Variants in MGAT4C observed in about 807,000 individuals in gnomAD.
The protein encoded by MGAT4C is MGAT4 family member C.
MGAT4C carries 19 observed loss-of-function variants against 40.1 expected under a neutral mutation model. The observed-to-expected ratio is 0.47, with a 90% CI of 0.33 to 0.70. The LOEUF is 0.70. MGAT4C is among the 30% of genes least tolerant of loss of function. The pLI, the probability that MGAT4C is intolerant of heterozygous loss-of-function variation, is 0.02. For synonymous variants in MGAT4C, 181 were observed against 187.1 expected (o/e 0.97, Z 0.27); for missense variants, 491 against 563.2 (o/e 0.87, Z 1.30).
At chr12:86,780,026 AAAATG>A (rs1416512437) in intron 1 of MGAT4C, among the ~76,000 whole-genome samples, 1 of 152,040 alleles carries the variant, frequency 6.6e-6, no homozygotes, top group Non-Finnish European at 1.5e-5. Context: ...GCTTTCCTAT[AAAATG>A]AAATAATATA....
intron 2 of MGAT4C, among the ~76,000 whole-genome samples, chr12:86,723,509 T>A (rs763651569): frequency 6.6e-6 from 1 of 152,174 alleles, no homozygotes; most frequent in Non-Finnish European, 1.5e-5. Context: ...TCGCTGGCCA[T>A]CTTCTTGCTG....
chr12:86,398,194 C>T (rs1315419710), intron 3 of MGAT4C, among the ~76,000 whole-genome samples: 2 of 152,144 alleles, frequency 1.3e-5, no homozygotes, highest in Admixed American at 6.5e-5. Context: ...TATCACCAAG[C>T]CAGAATGAAT....
chr12:86,718,298 G>T (rs1222504131), intron 2 of MGAT4C, among the ~76,000 whole-genome samples: 1 of 152,056 alleles, frequency 6.6e-6, no homozygotes, highest in African/African-American at 2.4e-5. Flanking sequence ...TACCTGTTGT[G>T]GTATAAAAGC....
chr12:86,418,015 A>T lies in MGAT4C; in HGVS notation c.-120+17142T>A, dbSNP rs556591192. ...GGAGACAAGACTAGAGTCCTATCAC[A>T]TTCCAAAACCTTTATGGTTAATAAG... On this transcript the variant is annotated intron_variant, in intron 3 of 7. Coordinates refer to the MGAT4C transcript ENST00000548651. 2.0e-5 allele frequency among the ~76,000 whole-genome samples: 3 copies of T among 152,322 alleles called. No homozygotes were observed. The East Asian group carries it at 5.8e-4, about 29-fold the overall frequency.
chr12:86,793,598 G>A (rs763962561), intron 1 of MGAT4C, among the ~76,000 whole-genome samples: 8 of 151,820 alleles, frequency 5.3e-5, no homozygotes, highest in Non-Finnish European at 8.8e-5. Flanking sequence ...ATACTCTCAC[G>A]CTCATTTGTT....
At chr12:86,777,498 G>A (rs1251173121) in intron 1 of MGAT4C, among the ~76,000 whole-genome samples, 1 of 152,094 alleles carries the variant, frequency 6.6e-6, no homozygotes, top group Non-Finnish European at 1.5e-5. Flanking sequence ...TCTCTGTTTG[G>A]CTTGAGTCAC....
chr12:86,520,819 C>G (rs1209577975), intron 2 of MGAT4C, among the ~76,000 whole-genome samples: 1 of 150,134 alleles, frequency 6.7e-6, no homozygotes, highest in Non-Finnish European at 1.5e-5. Context: ...TTGCATTTCT[C>G]AAATAATCAC....
chr12:86,627,257 C>T (rs961630504), intron 2 of MGAT4C, among the ~76,000 whole-genome samples: 2 of 152,194 alleles, frequency 1.3e-5, no homozygotes, highest in African/African-American at 4.8e-5. Flanking sequence ...CTCAGCGAGG[C>T]TCACCTGCCT....
intron 1 of MGAT4C, among the ~76,000 whole-genome samples, chr12:86,738,901 C>T (rs771715793): frequency 2.0e-5 from 3 of 150,612 alleles, no homozygotes; most frequent in Admixed American, 6.7e-5. Flanking sequence ...GGTGTCCATG[C>T]TATTACTGGG....
At chr12:86,150,515 T>G (rs766851037) in intron 1 of MGAT4C, among the ~76,000 whole-genome samples, 1 of 152,228 alleles carries the variant, frequency 6.6e-6, no homozygotes, top group Non-Finnish European at 1.5e-5. Context: ...AAGCTGAACT[T>G]TTCCTTTAAT....
At chr12:86,112,147 T>C (rs1291529855) in intron 1 of MGAT4C, among the ~76,000 whole-genome samples, 2 of 151,728 alleles carry the variant, frequency 1.3e-5, no homozygotes, top group Non-Finnish European at 3.0e-5. Flanking sequence ...AAAAATCTTA[T>C]AATCAGGAAT....
intron 3 of MGAT4C, among the ~76,000 whole-genome samples, chr12:86,379,521 G>A: frequency 6.6e-6 from 1 of 152,022 alleles, no homozygotes; most frequent in East Asian, 1.9e-4. Flanking sequence ...AAGGTTATTT[G>A]GGAGCAGGGA....
At chr12:86,024,175 C>T (rs1890044857) in intron 2 of MGAT4C, among the ~76,000 whole-genome samples, 1 of 151,806 alleles carries the variant, frequency 6.6e-6, no homozygotes, top group Non-Finnish European at 1.5e-5. Context: ...TCCCTTCTTT[C>T]CAGCTTCAGG....
chr12:86,423,195 A>T (rs982984291), intron 3 of MGAT4C, among the ~76,000 whole-genome samples: 11 of 152,080 alleles, frequency 7.2e-5, no homozygotes, highest in Non-Finnish European at 1.0e-4. Flanking sequence ...GACTAAAAAA[A>T]GTTTCTATTT....
chr12:86,547,854 A>G (rs539218156), intron 2 of MGAT4C, among the ~76,000 whole-genome samples: 109 of 152,220 alleles, frequency 7.2e-4, no homozygotes, highest in African/African-American at 2.4e-3. Context: ...AGTTTTCAGA[A>G]GACATGAATT....
At chr12:86,774,317 TTC>T (rs1555227759) in intron 1 of MGAT4C, among the ~76,000 whole-genome samples, 1 of 66,414 alleles carries the variant, frequency 1.5e-5, no homozygotes, top group Non-Finnish European at 3.4e-5. Flanking sequence ...CTTTCTTTCT[TTC>T]TTTCTTTCTT....
intron 2 of MGAT4C, among the ~76,000 whole-genome samples, chr12:86,690,314 G>C (rs1165024274): frequency 6.6e-6 from 1 of 152,086 alleles, no homozygotes; most frequent in Admixed American, 6.5e-5. Context: ...CTCTCTCCAG[G>C]GCAGTGAATG....
At chr12:86,620,007 C>T (rs1433865339) in intron 2 of MGAT4C, among the ~76,000 whole-genome samples, 1 of 152,070 alleles carries the variant, frequency 6.6e-6, no homozygotes, top group Non-Finnish European at 1.5e-5. Context: ...AAATGCTCAA[C>T]ATCACTAATC....
chr12:86,264,590 C>T (rs1407673353), intron 4 of MGAT4C, among the ~76,000 whole-genome samples: 2 of 152,150 alleles, frequency 1.3e-5, no homozygotes, highest in Admixed American at 6.5e-5. Context: ...GAAGCTGCAG[C>T]CACCCAGCTG....
Sources: allele counts gnomAD v4.1 joint callset (sites outside exome capture counted in the v4.1 genomes callset), GRCh38; gene constraint gnomAD v4.1.1; transcripts MANE v1.5; gene names NCBI Gene and HGNC (gene_info 2026-07-23, HGNC 2026-07-21).